The following ADAM10 variants were observed in gnomAD, a reference collection of about 807,000 sequenced individuals.
ADAM10 encodes the protein ADAM metallopeptidase domain 10.
A neutral mutation model predicts 90.1 loss-of-function variants in ADAM10; 17 were observed. The observed-to-expected ratio is 0.19, with a 90% CI of 0.13 to 0.28. The LOEUF is 0.28. Ranked by LOEUF, ADAM10 falls within the 10% of genes least tolerant of loss-of-function variation. The pLI is 1.00. For synonymous variants in ADAM10, 310 were observed against 298.6 expected (o/e 1.04, Z -0.40); for missense variants, 610 against 914.3 (o/e 0.67, Z 4.29).
rs1323960397 is a variant in ADAM10, at chr15:58,647,246, G to GTTTTTTTTTTTTTTTTTT, written c.586-1043_586-1042insAAAAAAAAAAAAAAAAAA. 3.3e-4 allele frequency among the ~76,000 whole-genome samples: 12 copies of GTTTTTTTTTTTTTTTTTT among 36,816 alleles called. 1 individual carries two copies. Among genetic ancestry groups the GTTTTTTTTTTTTTTTTTT allele is most frequent in the Admixed American group, 1.4e-3 (5 of 3,484 alleles). 24.2% of individuals were successfully genotyped at this position (36,816 alleles called of 152,430 possible). ...CTTGGCAGCAAAGAGTAGACACTAA[G>GTTTTTTTTTTTTTTTTTT]TATTTTTTTTTTTTTTTTTTTTTTT... On this transcript the variant is annotated intron_variant, in intron 5 of 15. Coordinates refer to ENST00000260408, the MANE Select transcript of ADAM10 (RefSeq NM_001110.4).
rs1386344246 is a variant in ADAM10, at chr15:58,589,903, T to C, written c.*7644A>G. The C allele has an allele frequency of 6.6e-6, 1 of 151,960 alleles. No homozygotes were observed. Among genetic ancestry groups the C allele is most frequent in the Non-Finnish European group, 1.5e-5 (1 of 68,006 alleles). The allele number at this position is 151,960 out of a possible 1,614,324, so 9.4% of individuals were successfully genotyped here. ...ATATCCTAAGGAGAATAACCAAGTA[T>C]GACACCTGCCAAAGTACAAGCCAGC... is the stretch of plus-strand genomic sequence containing the variant. On this transcript the variant is annotated 3_prime_UTR_variant, in exon 16 of 16. Coordinates refer to ENST00000260408, the MANE Select transcript of ADAM10 (RefSeq NM_001110.4).
chr15:58,698,537 A>G (rs567658998), intron 2 of ADAM10: 31 of 192,082 alleles, frequency 1.6e-4, no homozygotes, highest in African/African-American at 6.8e-4. Flanking sequence ...GATCGCATCA[A>G]TGTACTCTAG....
chr15:58,638,024 G>C (rs1384934155), intron 8 of ADAM10, among the ~76,000 whole-genome samples: 1 of 152,114 alleles, frequency 6.6e-6, no homozygotes, highest in Non-Finnish European at 1.5e-5. Flanking sequence ...TTATTTCAAG[G>C]CAGGTAACCT....
chr15:58,647,254 T>C lies in ADAM10; in HGVS notation c.586-1050A>G, dbSNP rs890170929. Among the ~76,000 whole-genome samples, 315 of 88,210 alleles carry C rather than the reference T, an allele frequency of 3.6e-3. 26 individuals are homozygous for C. The highest frequency in any genetic ancestry group is 0.012 in the African/African-American group (290 of 24,596). The allele number at this position is 88,210 out of a possible 152,430, so 57.9% of individuals were successfully genotyped here. Reference sequence around the variant, plus strand: ...CAAAGAGTAGACACTAAGTATTTTTTTTTTTTTTTTTTTTTTTTTTTTTTG... The same window carrying C: ...CAAAGAGTAGACACTAAGTATTTTTCTTTTTTTTTTTTTTTTTTTTTTTTG... On this transcript the variant is annotated intron_variant, in intron 5 of 15. Coordinates refer to ENST00000260408, the MANE Select transcript of ADAM10 (RefSeq NM_001110.4).
intron 14 of ADAM10, chr15:58,609,068 G>GT (rs1426867382): frequency 6.6e-6 from 1 of 152,148 alleles, no homozygotes; most frequent in African/African-American, 2.4e-5. Flanking sequence ...GCTGCTTGAA[G>GT]TCACAGAATT....
chr15:58,668,013 C>G (rs1459068546), intron 4 of ADAM10, among the ~76,000 whole-genome samples: 2 of 152,094 alleles, frequency 1.3e-5, no homozygotes, highest in Non-Finnish European at 2.9e-5. Flanking sequence ...ACACTGATCT[C>G]TCTGGAAACA....
chr15:58,708,983 T>C (rs187854904), intron 2 of ADAM10, among the ~76,000 whole-genome samples: 1 of 152,222 alleles, frequency 6.6e-6, no homozygotes, highest in East Asian at 1.9e-4. Context: ...GAACTGTATA[T>C]ATGATGACCA....
intron 4 of ADAM10, chr15:58,672,972 T>C (rs1285517378): frequency 4.7e-6 from 1 of 212,738 alleles, no homozygotes; most frequent in African/African-American, 2.3e-5. Flanking sequence ...TTATAAATTA[T>C]TTAGCACCCC....
chr15:58,599,521 G>T, intron 15 of ADAM10, 77 bp downstream of exon 15: 1 of 1,491,220 alleles, frequency 6.7e-7, no homozygotes. Flanking sequence ...AGTTACTACA[G>T]ACTCATTTAT....
chr15:58,645,675 T>C (rs1214410591), intron 6 of ADAM10, among the ~76,000 whole-genome samples: 2 of 151,978 alleles, frequency 1.3e-5, no homozygotes, highest in African/African-American at 4.8e-5. Context: ...AAGACACAAG[T>C]ACAAATAATA....
chr15:58,720,033 GA>G (rs1182530387), intron 1 of ADAM10, among the ~76,000 whole-genome samples: 12 of 152,040 alleles, frequency 7.9e-5, no homozygotes, highest in Middle Eastern at 3.2e-3. Flanking sequence ...AATTCAGGAA[GA>G]AAAAACAAAA....
At chr15:58,629,378 T>G (rs1307433499) in intron 9 of ADAM10, 1 of 152,142 alleles carries the variant, frequency 6.6e-6, no homozygotes, top group East Asian at 1.9e-4. Flanking sequence ...CCAGGAGATA[T>G]TACAATAGAT....
Position 58,621,611 on chromosome 15 carries a change from T to C in ADAM10, c.1371A>G (p.Gln457=), listed in dbSNP as rs201732339. 9.0e-5 allele frequency: 146 copies of C among 1,613,914 alleles called. 2 individuals are homozygous for C. The South Asian group carries it at 9.3e-4, about 10-fold the overall frequency. The part of the protein sequence containing the change: ...KRNNCFVESG[Q]PICGNGMVEQ... ...CTACCATTCCATTTCCACAAATAGGTTGGCCAGATTCTGAGGAAAATAAAC... is the reference window on the plus strand; with the variant it reads ...CTACCATTCCATTTCCACAAATAGGCTGGCCAGATTCTGAGGAAAATAAAC... Residue 457 remains glutamine (Q), a synonymous_variant, in exon 11 of 16, where the codon CAA becomes CAG. Coordinates refer to ENST00000260408, the MANE Select transcript of ADAM10 (RefSeq NM_001110.4).
chr15:58,717,508 T>G, intron 2 of ADAM10, 69 bp downstream of exon 2: 1 of 1,596,136 alleles, frequency 6.3e-7, no homozygotes, highest in Non-Finnish European at 8.6e-7. Context: ...ATTAAGGATA[T>G]AAATCTCCTC....
intron 8 of ADAM10, among the ~76,000 whole-genome samples, chr15:58,637,004 C>G (rs571402147): frequency 6.6e-6 from 1 of 152,170 alleles, no homozygotes; most frequent in Non-Finnish European, 1.5e-5. Flanking sequence ...GGGATCCAGA[C>G]AAGCATTAAA....
chr15:58,643,875 A>C lies in ADAM10; in HGVS notation c.828+11T>G, dbSNP rs751014146. 2 of 1,592,034 alleles carry C rather than the reference A, an allele frequency of 1.3e-6. No homozygotes were observed. Among genetic ancestry groups the C allele is most frequent in the East Asian group, 4.5e-5 (2 of 44,734 alleles). Reference sequence around the variant, plus strand: ...ACTTTTTAAGTGTTTTTAACTATTTAAGTTCCTTACTCTTATGCGTTTCAC... The same window carrying C: ...ACTTTTTAAGTGTTTTTAACTATTTCAGTTCCTTACTCTTATGCGTTTCAC... On this transcript the variant is annotated intron_variant, in intron 7 of 15. Transcript: ENST00000260408.
chr15:58,642,994 A>C (rs1046740629), intron 7 of ADAM10, among the ~76,000 whole-genome samples: 95 of 152,186 alleles, frequency 6.2e-4, no homozygotes, highest in Non-Finnish European at 2.8e-4. Flanking sequence ...ATTTTATCCA[A>C]CCACATTTGA....
chr15:58,622,561 T>C (rs1406529713), intron 10 of ADAM10, among the ~76,000 whole-genome samples: 2 of 152,214 alleles, frequency 1.3e-5, no homozygotes, highest in African/African-American at 4.8e-5. Flanking sequence ...TAATTTTTTT[T>C]ATGTACATTA....
intron 2 of ADAM10, among the ~76,000 whole-genome samples, chr15:58,711,857 T>C (rs1898484888): frequency 6.6e-6 from 1 of 152,178 alleles, no homozygotes; most frequent in Non-Finnish European, 1.5e-5. Flanking sequence ...ATACTTCATT[T>C]TACTTATTTT....
Sources: allele counts gnomAD v4.1 joint callset (sites outside exome capture counted in the v4.1 genomes callset), GRCh38; gene constraint gnomAD v4.1.1; transcripts MANE v1.5; gene names NCBI Gene and HGNC (gene_info 2026-07-23, HGNC 2026-07-21).